GDPD5: variants seen among roughly 807,000 people sequenced by gnomAD.
GDPD5 encodes glycerophosphodiester phosphodiesterase domain containing 5, also known as glycerophosphodiester phosphodiesterase 2.
Under a neutral mutation model 75.1 loss-of-function variants are expected in GDPD5, and 48 were observed. That is an observed-to-expected ratio of 0.64 (90% CI 0.51 to 0.81). GDPD5 has a LOEUF of 0.81. GDPD5 is among the 40% of genes least tolerant of loss of function. The pLI is 0.00. For synonymous variants in GDPD5, 336 were observed against 339.0 expected (o/e 0.99, Z 0.10); for missense variants, 706 against 822.6 (o/e 0.86, Z 1.73).
intron 3 of GDPD5, among the ~76,000 whole-genome samples, chr11:75,464,437 C>T (rs1949476221): frequency 6.6e-6 from 1 of 152,178 alleles, no homozygotes; most frequent in African/African-American, 2.4e-5. Flanking sequence ...GGCCTTCACA[C>T]CCTAATGGTC....
chr11:75,448,012 G>C (rs1949032271), intron 9 of GDPD5, among the ~76,000 whole-genome samples: 1 of 152,128 alleles, frequency 6.6e-6, no homozygotes, highest in African/African-American at 2.4e-5. Flanking sequence ...ACATGCAGGG[G>C]GCCAGACTTC....
chr11:75,517,171 AG>A (rs1950655053), intron 1 of GDPD5, among the ~76,000 whole-genome samples: 1 of 152,198 alleles, frequency 6.6e-6, no homozygotes, highest in African/African-American at 2.4e-5. Context: ...GCAAGCTTTT[AG>A]GCTGGGGGGC....
chr11:75,481,466 G>C (rs1949917470), intron 2 of GDPD5, among the ~76,000 whole-genome samples: 1 of 152,124 alleles, frequency 6.6e-6, no homozygotes. Context: ...GGAGCCCTGG[G>C]GAGGCCTGTG....
chr11:75,455,328 A>G (rs1050655512), intron 6 of GDPD5: 1 of 455,972 alleles, frequency 2.2e-6, no homozygotes, highest in African/African-American at 2.0e-5. Context: ...TCCCTCACAG[A>G]GGGGATAGTG....
chr11:75,439,371 T>C (rs1948722339), intron 15 of GDPD5: 2 of 455,366 alleles, frequency 4.4e-6, no homozygotes, highest in East Asian at 7.0e-5. Flanking sequence ...GATGCCAGAG[T>C]GCAGCAGAGA....
At chr11:75,441,107 C>A in intron 14 of GDPD5, 56 bp downstream of exon 14, 1 of 1,575,474 alleles carries the variant, frequency 6.3e-7, no homozygotes, top group Non-Finnish European at 8.7e-7. Flanking sequence ...GTGGTCAGGG[C>A]AGGCTATAGG....
At chr11:75,461,207 A>C (rs1949405114) in intron 4 of GDPD5, among the ~76,000 whole-genome samples, 1 of 151,748 alleles carries the variant, frequency 6.6e-6, no homozygotes, top group Non-Finnish European at 1.5e-5. Flanking sequence ...TAGGCAGCAG[A>C]CTCCAGTTCC....
chr11:75,441,687 C>T lies in GDPD5; in HGVS notation c.1284G>A (p.Arg428=). Residue 428 remains arginine (R), a synonymous_variant, in exon 13 of 17, where the codon CGG becomes CGA. Coordinates refer to ENST00000336898, the MANE Select transcript of GDPD5 (RefSeq NM_030792.8). ...VASLRRGHIQ[R]LNLRYTQVSR... ...ACACCTGAGTGTAGCGCAGGTTCAGCCGCTGGATGTGGCCTCTCCGCAGGC... is the reference window on the plus strand; with the variant it reads ...ACACCTGAGTGTAGCGCAGGTTCAGTCGCTGGATGTGGCCTCTCCGCAGGC... 1 of 1,606,322 alleles carries T rather than the reference C, an allele frequency of 6.2e-7. No individual in the cohort carries two copies. The highest frequency in any genetic ancestry group is 1.1e-5 in the South Asian group (1 of 90,156).
chr11:75,499,807 T>C (rs1033456686), intron 1 of GDPD5, among the ~76,000 whole-genome samples: 1 of 152,158 alleles, frequency 6.6e-6, no homozygotes, highest in Non-Finnish European at 1.5e-5. Context: ...GCCTTTCTTG[T>C]TTGCAGTGTC....
At chr11:75,443,920 C>T (rs1024191899) in intron 10 of GDPD5, among the ~76,000 whole-genome samples, 6 of 152,146 alleles carry the variant, frequency 3.9e-5, no homozygotes, top group Admixed American at 1.3e-4. Context: ...TATGTGATGC[C>T]CTTGTTCAGT....
At position 75,440,081 on chromosome 11, in the gene GDPD5, C is replaced by T. The variant is rs1003877271; in HGVS notation, c.1474-120G>A. On this transcript the variant is annotated intron_variant, in intron 14 of 16. Transcript: ENST00000336898. ...CCACTGGGGAAGGGCAAGGGAGGAC[C>T]CTGAGAGGGTCTGGGGGCTGAAGAT... The T allele has an allele frequency of 1.3e-5, 9 of 696,956 alleles. No individual in the cohort carries two copies. The African/African-American group carries it at 1.4e-4, about 11-fold the overall frequency. The allele number at this position is 696,956 out of a possible 1,614,324, so 43.2% of individuals were successfully genotyped here.
At chr11:75,504,357 C>G (rs151053768) in intron 1 of GDPD5, among the ~76,000 whole-genome samples, 1 of 152,198 alleles carries the variant, frequency 6.6e-6, no homozygotes, top group Non-Finnish European at 1.5e-5. Flanking sequence ...CAGGGTCCAA[C>G]CCAGGCCCAT....
intron 16 of GDPD5, among the ~76,000 whole-genome samples, chr11:75,436,178 A>G (rs1470847197): frequency 6.6e-6 from 1 of 152,092 alleles, no homozygotes; most frequent in Non-Finnish European, 1.5e-5. Context: ...CTGGGCATCT[A>G]TGTCCCCAGG....
At position 75,449,971 on chromosome 11, in the gene GDPD5, C is replaced by T. The variant is rs377643641; in HGVS notation, c.388G>A (p.Val130Ile). 22 of 1,613,550 alleles carry T rather than the reference C, an allele frequency of 1.4e-5. No homozygotes were observed. The highest frequency in any genetic ancestry group is 1.7e-5 in the Non-Finnish European group (20 of 1,179,992). ...GCCACCACCGTGGAAGCCAGGATGA[C>T]CACCAGCCCGATCTGGAGGGGGAAG... ...LHWLHKIGLV[V>I]ILASTVVAMS... Residue 130 changes from valine to isoleucine, a missense_variant, in exon 7 of 17, where the codon GTC becomes ATC. Physicochemically the swap from Val to Ile is conservative, Grantham distance 29. Coordinates refer to ENST00000336898, the MANE Select transcript of GDPD5 (RefSeq NM_030792.8).
intron 8 of GDPD5, 63 bp from the exon 9 acceptor site, chr11:75,449,185 G>T: frequency 6.6e-7 from 1 of 1,514,988 alleles, no homozygotes; most frequent in Non-Finnish European, 8.9e-7. Context: ...TGCAATGCTG[G>T]ACCCCTCTAC....
intron 3 of GDPD5, among the ~76,000 whole-genome samples, chr11:75,466,935 C>T (rs1949530406): frequency 6.6e-6 from 1 of 152,074 alleles, no homozygotes; most frequent in African/African-American, 2.4e-5. Context: ...CTGAACAGCT[C>T]CCCTCAAAAC....
chr11:75,435,733 G>GCCTTC, intron 16 of GDPD5, 78 bp from the exon 17 acceptor site: 4 of 1,439,084 alleles, frequency 2.8e-6, no homozygotes, highest in Non-Finnish European at 3.8e-6. Context: ...GGGCAGGAAG[G>GCCTTC]CTGCACCACC....
intron 2 of GDPD5, among the ~76,000 whole-genome samples, chr11:75,481,799 C>A (rs1024766105): frequency 6.6e-6 from 1 of 152,004 alleles, no homozygotes; most frequent in Non-Finnish European, 1.5e-5. Flanking sequence ...AGGGAGGAGG[C>A]GGGTGCAATG....
intron 1 of GDPD5, among the ~76,000 whole-genome samples, chr11:75,514,332 A>G (rs1285607465): frequency 6.6e-6 from 1 of 152,192 alleles, no homozygotes; most frequent in African/African-American, 2.4e-5. Context: ...TCAGAACTAC[A>G]TATGTCTTCA....
Sources: gnomAD v4.1 joint callset for allele counts (sites outside exome capture counted in the v4.1 genomes callset) on GRCh38, gnomAD v4.1.1 for gene constraint, MANE v1.5 for transcripts, NCBI Gene and HGNC (gene_info 2026-07-23, HGNC 2026-07-21) for gene names.